Variants in INSC observed in about 807,000 individuals in gnomAD.
INSC encodes protein inscuteable homolog.
INSC carries 67 observed loss-of-function variants against 58.6 expected under a neutral mutation model. The observed-to-expected ratio is 1.14, with a 90% CI of 0.94 to 1.40. The LOEUF (loss-of-function observed/expected upper bound fraction) is 1.40. Ranked by LOEUF, INSC falls within the 40% of genes most tolerant of loss-of-function variation. The pLI, the probability that INSC is intolerant of heterozygous loss-of-function variation, is 0.00. For missense variants in INSC, 714 were observed against 692.0 expected (o/e 1.03, Z -0.36); for synonymous variants, 262 against 276.1 (o/e 0.95, Z 0.51).
At chr11:15,206,353 T>G (rs1469085785) in intron 7 of INSC, among the ~76,000 whole-genome samples, 1 of 152,162 alleles carries the variant, frequency 6.6e-6, no homozygotes, top group African/African-American at 2.4e-5. Flanking sequence ...AGGAAAGCAG[T>G]CTTAACAAGG....
chr11:15,269,026 C>T, the INSC span, among the ~76,000 whole-genome samples: 4,057 of 151,928 alleles, frequency 0.027, 91 homozygotes, highest in Non-Finnish European at 0.04. Flanking sequence ...TACATTTTTG[C>T]GTTTATTTGA....
intron 7 of INSC, among the ~76,000 whole-genome samples, chr11:15,213,856 T>C (rs1309488767): frequency 6.6e-6 from 1 of 152,198 alleles, no homozygotes; most frequent in Non-Finnish European, 1.5e-5. Flanking sequence ...GATATATTAG[T>C]TTGGAGGAGG....
chr11:15,163,781 A>T (rs1849098344), intron 2 of INSC, among the ~76,000 whole-genome samples: 1 of 152,136 alleles, frequency 6.6e-6, no homozygotes, highest in Admixed American at 6.6e-5. Flanking sequence ...TTTAGTAGAG[A>T]CAAGGTTTCA....
chr11:15,113,613 A>G (rs1847625759), upstream of INSC, among the ~76,000 whole-genome samples: 1 of 152,184 alleles, frequency 6.6e-6, no homozygotes, highest in Admixed American at 6.5e-5. Context: ...TGAAACAGGA[A>G]CTGAGGCCCC....
intron 9 of INSC, among the ~76,000 whole-genome samples, chr11:15,226,690 G>A (rs1851653571): frequency 6.6e-6 from 1 of 152,170 alleles, no homozygotes; most frequent in Non-Finnish European, 1.5e-5. Flanking sequence ...CTTAACTGAA[G>A]CTGCTTTGGT....
chr11:15,113,832 T>C (rs949024731), upstream of INSC, among the ~76,000 whole-genome samples: 9 of 151,930 alleles, frequency 5.9e-5, no homozygotes, highest in South Asian at 1.5e-3. Context: ...AAAAAAGAAA[T>C]AGAGATTATT....
upstream of INSC, chr11:15,114,908 G>A: frequency 1.0e-6 from 1 of 985,102 alleles, no homozygotes; most frequent in African/African-American, 1.7e-5. Context: ...CTCGGGCTGG[G>A]CCGGCAGAGC....
chr11:15,209,527 C>A (rs908148411), intron 7 of INSC, among the ~76,000 whole-genome samples: 1 of 152,100 alleles, frequency 6.6e-6, no homozygotes, highest in African/African-American at 2.4e-5. Context: ...CTCCTTGGTG[C>A]TCACACAGTA....
At position 15,158,616 on chromosome 11, in the gene INSC, G is replaced by T. The variant is rs1258668491; in HGVS notation, c.56+9386G>T. ...GTAGTGTGGTGTTTAGGTGATAGAA[G>T]CTGAGACTCTGAACTCTAGAGGCCT... On this transcript the variant is annotated intron_variant, in intron 2 of 12. Transcript: ENST00000379556. 2.6e-5 allele frequency among the ~76,000 whole-genome samples: 4 copies of T among 152,142 alleles called. No homozygotes were observed. The East Asian group carries it at 7.7e-4, about 29-fold the overall frequency.
chr11:15,120,592 C>G (rs934728004), intron 1 of INSC, among the ~76,000 whole-genome samples: 16 of 152,256 alleles, frequency 1.1e-4, no homozygotes, highest in Admixed American at 9.8e-4. Flanking sequence ...GAATTTTAAG[C>G]AGTTAGCATA....
At chr11:15,155,746 A>G (rs1822005780) in intron 2 of INSC, among the ~76,000 whole-genome samples, 1 of 152,226 alleles carries the variant, frequency 6.6e-6, no homozygotes, top group African/African-American at 2.4e-5. Context: ...GAAGACTTTT[A>G]AAGTTCCATT....
At chr11:15,119,483 G>A (rs567221213) in intron 1 of INSC, among the ~76,000 whole-genome samples, 104 of 152,326 alleles carry the variant, frequency 6.8e-4, no homozygotes, top group African/African-American at 2.3e-3. Flanking sequence ...CTTTGAGGAT[G>A]TCTTGGGGCA....
At chr11:15,235,310 C>G (rs550134833) in intron 9 of INSC, 4 of 428,854 alleles carry the variant, frequency 9.3e-6, no homozygotes, top group African/African-American at 8.0e-5. Flanking sequence ...GAAAGACAAC[C>G]GGGCCCCAAC....
chr11:15,230,012 T>TGTG (rs1564917883), intron 9 of INSC, among the ~76,000 whole-genome samples: 1 of 25,864 alleles, frequency 3.9e-5, no homozygotes, highest in African/African-American at 1.5e-4. Flanking sequence ...TATATATATA[T>TGTG]AATATATATA....
intron 2 of INSC, among the ~76,000 whole-genome samples, chr11:15,164,664 C>G (rs1015041839): frequency 6.6e-6 from 1 of 152,168 alleles, no homozygotes; most frequent in Non-Finnish European, 1.5e-5. Context: ...GTTCTCCTTT[C>G]TCATGTTCTT....
At chr11:15,167,290 C>T (rs572370687) in intron 2 of INSC, among the ~76,000 whole-genome samples, 10 of 152,062 alleles carry the variant, frequency 6.6e-5, no homozygotes, top group Middle Eastern at 6.8e-3. Flanking sequence ...TGGACATAAG[C>T]GGCATGCACC....
chr11:15,221,791 C>T (rs1043102702), intron 8 of INSC, 143 bp downstream of exon 8: 8 of 747,984 alleles, frequency 1.1e-5, no homozygotes, highest in African/African-American at 7.2e-5. Context: ...GCTGAAATCC[C>T]ACAATTAATG....
rs1451403527 is a variant in INSC, at chr11:15,178,389, G to A, written c.521G>A (p.Ser174Asn). ...AAGGCCTGCGTGAGTGAGACCCTGAGCATGCTGGGCCAGCACTTTGGTCAG... is the reference window on the plus strand; with the variant it reads ...AAGGCCTGCGTGAGTGAGACCCTGAACATGCTGGGCCAGCACTTTGGTCAG... ...SMKACVSETL[S>N]MLGQHFGQLL... is the part of the protein sequence containing the mutation. The change falls in exon 5 of 13, where the codon AGC becomes AAC. Residue 174 changes from serine (S) to asparagine (N), a missense_variant. By Grantham distance (46) the Ser-to-Asn change is conservative (BLOSUM62 1). Coordinates refer to ENST00000379556, the MANE Select transcript of INSC (RefSeq NM_001042536.3). The A allele has an allele frequency of 6.2e-6, 10 of 1,613,602 alleles. No individual in the cohort carries two copies. The highest frequency in any genetic ancestry group is 8.5e-6 in the Non-Finnish European group (10 of 1,180,036).
chr11:15,256,758 G>C, the INSC span, among the ~76,000 whole-genome samples: 1,035 of 152,212 alleles, frequency 6.8e-3, 8 homozygotes, highest in Non-Finnish European at 0.011. Context: ...AAAGTGCTGG[G>C]ATTACACGGG....
Sources: allele counts gnomAD v4.1 joint callset (sites outside exome capture counted in the v4.1 genomes callset), GRCh38; gene constraint gnomAD v4.1.1; transcripts MANE v1.5; gene names NCBI Gene and HGNC (gene_info 2026-07-23, HGNC 2026-07-21).